Variants in KNDC1 observed in about 807,000 individuals in gnomAD.
KNDC1 encodes kinase non-catalytic C-lobe domain containing 1, also known as kinase non-catalytic C-lobe domain-containing protein 1.
In KNDC1, 106 loss-of-function variants were observed where a neutral mutation model predicts 172.8. That is an observed-to-expected ratio of 0.61 (90% confidence interval 0.52 to 0.72). The LOEUF is 0.72. KNDC1 is among the 30% of genes least tolerant of loss of function. The probability of loss-of-function intolerance (pLI) is 0.00; values close to 1 mark genes in which losing one functional copy is unlikely to be tolerated. For missense variants in KNDC1, 2,325 were observed against 2,394.5 expected (o/e 0.97, Z 0.61); for synonymous variants, 1,083 against 1,062.2 (o/e 1.02, Z -0.38).
chr10:133,211,763 G>A lies in KNDC1; in HGVS notation c.4141G>A (p.Gly1381Ser), dbSNP rs773807341. 6.6e-5 allele frequency: 107 copies of A among 1,610,286 alleles called. 2 individuals carry two copies. The highest frequency in any genetic ancestry group is 3.0e-4 in the South Asian group (27 of 91,018). ...CCGGCGGGCCGAGGGCAACCCTCGCGGCACAGACCTGGAGAACCCCAGGGA... is the reference window on the plus strand; with the variant it reads ...CCGGCGGGCCGAGGGCAACCCTCGCAGCACAGACCTGGAGAACCCCAGGGA... ...MDRRAEGNPRGTDLENPREAE... is the reference protein window; with the variant it reads ...MDRRAEGNPRSTDLENPREAE... Residue 1381 changes from glycine (G) to serine (S), a missense_variant, in exon 23 of 30, where the codon GGC (glycine) becomes AGC (serine). By Grantham distance (56) the Gly-to-Ser change is moderately conservative. Transcript: ENST00000304613.
At chr10:133,160,889 C>A (rs923436824) in intron 1 of KNDC1, among the ~76,000 whole-genome samples, 25 of 152,150 alleles carry the variant, frequency 1.6e-4, no homozygotes, top group Non-Finnish European at 8.8e-5. Flanking sequence ...CCCTGCCGGG[C>A]CCCAGGAGGC....
At chr10:133,178,070 A>G (rs554048222) in intron 3 of KNDC1, among the ~76,000 whole-genome samples, 2 of 148,060 alleles carry the variant, frequency 1.4e-5, no homozygotes, top group South Asian at 4.3e-4. Context: ...TGTAGCGTGC[A>G]TGTGTGTGCA....
At position 133,211,408 on chromosome 10, in the gene KNDC1, C is replaced by T. The variant is rs748908079; in HGVS notation, c.3909-14C>T. 9.9e-6 allele frequency: 16 copies of T among 1,609,670 alleles called. No homozygotes were observed. The highest frequency in any genetic ancestry group is 5.9e-6 in the Non-Finnish European group (7 of 1,178,560). On this transcript the variant is annotated splice_polypyrimidine_tract_variant and intron_variant, in intron 21 of 29. Transcript: ENST00000304613. ...CCACATCCTGGCAGCTCAGCAGCTCCCCTGCGTCTCCAGGGCCCACCAGGA... is the reference window on the plus strand; with the variant it reads ...CCACATCCTGGCAGCTCAGCAGCTCTCCTGCGTCTCCAGGGCCCACCAGGA...
chr10:133,165,925 A>G (rs1283073309), intron 1 of KNDC1, among the ~76,000 whole-genome samples: 1 of 152,174 alleles, frequency 6.6e-6, no homozygotes, highest in Non-Finnish European at 1.5e-5. Flanking sequence ...TGATGTCATC[A>G]AGCCCCTCCC....
At position 133,221,481 on chromosome 10, in the gene KNDC1, G is replaced by A. The variant is rs548767065; in HGVS notation, c.5018+1369G>A. Among the ~76,000 whole-genome samples the A allele has an allele frequency of 4.9e-3, 740 of 152,182 alleles. 5 individuals are homozygous for A. The highest frequency in any genetic ancestry group is 6.4e-3 in the Non-Finnish European group (436 of 68,010). On this transcript the variant is annotated intron_variant, in intron 29 of 29. Coordinates refer to ENST00000304613, the MANE Select transcript of KNDC1 (RefSeq NM_152643.8). ...CTCAGGTGCCCACAGCCCCAAGCTC[G>A]GCCTCACTCTCTCCCTCAAGACACA... is the stretch of plus-strand genomic sequence containing the variant.
chr10:133,201,826 C>G lies in KNDC1; in HGVS notation c.3315C>G (p.Ala1105=), dbSNP rs1347317813. The stretch of plus-strand genomic sequence containing the variant: ...TCTACGAGGCCGACTGCTTCGGGGC[C>G]GACGTCCACAACTACGTGAAGGACC... ...SAFYEADCFG[A]DVHNYVKDLG... Residue 1105 remains alanine, a synonymous_variant, in exon 17 of 30, where the codon GCC becomes GCG. Transcript: ENST00000304613. 2 of 1,494,298 alleles carry G rather than the reference C, an allele frequency of 1.3e-6. No individual in the cohort carries two copies. Among genetic ancestry groups the G allele is most frequent in the Non-Finnish European group, 1.8e-6 (2 of 1,124,016 alleles). The allele number at this position is 1,494,298 out of a possible 1,614,324, so 92.6% of individuals were successfully genotyped here.
At chr10:133,181,001 G>C (rs1853700783) in intron 3 of KNDC1, among the ~76,000 whole-genome samples, 1 of 152,220 alleles carries the variant, frequency 6.6e-6, no homozygotes, top group Non-Finnish European at 1.5e-5. Flanking sequence ...AATTGTAAGT[G>C]GAGGTGACCT....
intron 3 of KNDC1, among the ~76,000 whole-genome samples, chr10:133,183,081 C>A (rs984269812): frequency 6.8e-6 from 1 of 147,436 alleles, no homozygotes; most frequent in Admixed American, 6.8e-5. Context: ...GGCGTGGGCA[C>A]GGGCAGTGTG....
At position 133,202,526 on chromosome 10, in the gene KNDC1, G is replaced by A. The variant is rs74573712; in HGVS notation, c.3387+628G>A. ...CCTGGGCTGCATTCTCGAGAGCCCC[G>A]GGACTCCAGGGTGGATGACAGGAGG... On this transcript the variant is annotated intron_variant, in intron 17 of 29. Coordinates refer to ENST00000304613, the MANE Select transcript of KNDC1 (RefSeq NM_152643.8). 6.5e-4 allele frequency: 284 copies of A among 435,828 alleles called. 1 individual carries two copies. Among genetic ancestry groups the A allele is most frequent in the African/African-American group, 4.4e-3 (220 of 49,546 alleles). 27.0% of individuals were successfully genotyped at this position (435,828 alleles called of 1,614,324 possible).
intron 26 of KNDC1, among the ~76,000 whole-genome samples, chr10:133,214,842 G>T (rs1002488291): frequency 6.6e-6 from 1 of 152,232 alleles, no homozygotes; most frequent in Non-Finnish European, 1.5e-5. Context: ...GCAGGGCACT[G>T]TGCAGCCCCT....
At chr10:133,200,770 C>A (rs1854342292) in intron 16 of KNDC1, among the ~76,000 whole-genome samples, 1 of 152,222 alleles carries the variant, frequency 6.6e-6, no homozygotes, top group South Asian at 2.1e-4. Flanking sequence ...TCACCGGCCA[C>A]TGGGACAGTG....
At chr10:133,212,409 G>A (rs1381273950) in intron 23 of KNDC1, among the ~76,000 whole-genome samples, 1 of 152,228 alleles carries the variant, frequency 6.6e-6, no homozygotes, top group East Asian at 1.9e-4. Flanking sequence ...GGGGAGGAGG[G>A]TCCTGCTGTG....
chr10:133,184,222 T>C (rs1853817143), intron 5 of KNDC1, among the ~76,000 whole-genome samples: 1 of 56,292 alleles, frequency 1.8e-5, no homozygotes, highest in South Asian at 1.5e-3. Context: ...CACACACCCA[T>C]GCACACACAC....
intron 10 of KNDC1, 135 bp from the exon 11 acceptor site, chr10:133,196,923 G>A: frequency 1.5e-6 from 1 of 671,806 alleles, no homozygotes; most frequent in Non-Finnish European, 2.7e-6. Context: ...GGGGCCTGTA[G>A]TTGGGTGTCG....
In KNDC1 at chr10:133,198,926, T is replaced by C. The variant is rs3008389; in HGVS notation, c.2418T>C (p.Val806=). The C allele has an allele frequency of 0.57, 888,630 of 1,565,968 alleles. 253,375 individuals carry two copies. Among genetic ancestry groups the C allele is most frequent in the South Asian group, 0.63 (54,496 of 86,920 alleles). Residue 806 remains valine (V), a synonymous_variant, in exon 14 of 30, where the codon GTT becomes GTC. Coordinates refer to ENST00000304613, the MANE Select transcript of KNDC1 (RefSeq NM_152643.8). ...QGPAEPIPPG[V]ASGGLRPDAL... is the part of the protein sequence containing the mutation. ...CGGCTGAGCCGATCCCACCTGGAGTTGCTTCCGGGGGCCTCAGGCCCGACG... is the reference window on the plus strand; with the variant it reads ...CGGCTGAGCCGATCCCACCTGGAGTCGCTTCCGGGGGCCTCAGGCCCGACG...
At chr10:133,190,180 C>G (rs1589753777) in intron 9 of KNDC1, among the ~76,000 whole-genome samples, 1 of 152,226 alleles carries the variant, frequency 6.6e-6, no homozygotes. Flanking sequence ...AAAACTTCCA[C>G]TCAGGAATGA....
chr10:133,212,695 A>G lies in KNDC1; in HGVS notation c.4237-21A>G, dbSNP rs370573536. The G allele has an allele frequency of 3.7e-6, 6 of 1,607,760 alleles. No individual in the cohort carries two copies. The East Asian group carries it at 1.1e-4, about 30-fold the overall frequency. ...AGGGGACACGGAGCTTAGGCCCCTCAGTGCCCGGCCTGCCCTGCAGAGCTT... is the reference window on the plus strand; with the variant it reads ...AGGGGACACGGAGCTTAGGCCCCTCGGTGCCCGGCCTGCCCTGCAGAGCTT... On this transcript the variant is annotated intron_variant, in intron 23 of 29. Transcript: ENST00000304613.
chr10:133,204,310 G>A (rs962208821), intron 17 of KNDC1, among the ~76,000 whole-genome samples: 6 of 152,262 alleles, frequency 3.9e-5, no homozygotes, highest in Non-Finnish European at 8.8e-5. Context: ...TGTGGCTACT[G>A]AGCTCTGGAA....
At chr10:133,178,096 A>G (rs913044165) in intron 3 of KNDC1, among the ~76,000 whole-genome samples, 2 of 138,638 alleles carry the variant, frequency 1.4e-5, no homozygotes, top group Admixed American at 7.3e-5. Context: ...GTGTGTGTGC[A>G]GTGTGTAGCG....
Sources: gnomAD v4.1 joint callset for allele counts (sites outside exome capture counted in the v4.1 genomes callset) on GRCh38, gnomAD v4.1.1 for gene constraint, MANE v1.5 for transcripts, NCBI Gene and HGNC (gene_info 2026-07-23, HGNC 2026-07-21) for gene names.